PARD3: variants seen among roughly 807,000 people sequenced by gnomAD.
PARD3 encodes partitioning defective 3 homolog.
Under a neutral mutation model 155.4 loss-of-function variants are expected in PARD3, and 75 were observed. The ratio of observed to expected loss-of-function variants is 0.48; its 90% CI spans 0.40 to 0.58. The LOEUF (loss-of-function observed/expected upper bound fraction) is 0.58, where lower values mean the gene tolerates loss of function less well. Ranked by LOEUF, PARD3 falls within the 20% of genes least tolerant of loss-of-function variation. The probability of loss-of-function intolerance (pLI) is 0.00; values close to 1 mark genes in which losing one functional copy is unlikely to be tolerated. For synonymous variants in PARD3, 576 were observed against 610.5 expected (o/e 0.94, Z 0.83); for missense variants, 1,642 against 1,721.7 (o/e 0.95, Z 0.82).
intron 7 of PARD3, among the ~76,000 whole-genome samples, chr10:34,388,661 T>C (rs555356613): frequency 6.6e-6 from 1 of 152,306 alleles, no homozygotes; most frequent in Admixed American, 6.5e-5. Flanking sequence ...TCAAAGCAAA[T>C]GAAGTTCTAA....
At chr10:34,791,151 T>A (rs1240363968) in intron 1 of PARD3, among the ~76,000 whole-genome samples, 1 of 152,176 alleles carries the variant, frequency 6.6e-6, no homozygotes, top group African/African-American at 2.4e-5. Context: ...TGGCTAGACA[T>A]AAACTATCAC....
chr10:34,522,118 G>A (rs74132042), intron 2 of PARD3, among the ~76,000 whole-genome samples: 2,408 of 152,228 alleles, frequency 0.016, 65 homozygotes, highest in African/African-American at 0.055. Flanking sequence ...CCTTAAAATG[G>A]AAAGATTATC....
At chr10:34,447,204 G>A (rs758924216) in intron 5 of PARD3, among the ~76,000 whole-genome samples, 3 of 152,014 alleles carry the variant, frequency 2.0e-5, no homozygotes, top group East Asian at 1.9e-4. Flanking sequence ...AAATACAGCC[G>A]GGTAGAGTGG....
At chr10:34,192,173 T>A (rs1950741295) in intron 22 of PARD3, among the ~76,000 whole-genome samples, 1 of 151,960 alleles carries the variant, frequency 6.6e-6, no homozygotes, top group Admixed American at 6.5e-5. Flanking sequence ...GCTCAAGTGA[T>A]CCTCCCACCT....
At chr10:34,142,719 ATAATGGT>A (rs1476014870) in intron 22 of PARD3, among the ~76,000 whole-genome samples, 1 of 152,122 alleles carries the variant, frequency 6.6e-6, no homozygotes. Flanking sequence ...GAAAGCAGTT[ATAATGGT>A]TAATGCCCAA....
At chr10:34,604,433 A>G (rs1288676234) in intron 2 of PARD3, among the ~76,000 whole-genome samples, 3 of 151,952 alleles carry the variant, frequency 2.0e-5, no homozygotes. Flanking sequence ...CCCATGCTGG[A>G]TGCTTCCTCC....
chr10:34,724,002 C>T (rs2094654116), intron 1 of PARD3, among the ~76,000 whole-genome samples: 1 of 152,130 alleles, frequency 6.6e-6, no homozygotes, highest in African/African-American at 2.4e-5. Context: ...GAGCACTCAA[C>T]GAGCACAAGC....
chr10:34,316,534 CTTTT>C (rs1168894248), intron 20 of PARD3, among the ~76,000 whole-genome samples: 5 of 152,228 alleles, frequency 3.3e-5, no homozygotes, highest in Non-Finnish European at 7.4e-5. Flanking sequence ...CTATTTGTAA[CTTTT>C]TTTATTAGAC....
intron 21 of PARD3, among the ~76,000 whole-genome samples, chr10:34,278,741 C>T (rs1956012627): frequency 6.6e-6 from 1 of 152,098 alleles, no homozygotes; most frequent in African/African-American, 2.4e-5. Context: ...AATTAGACCT[C>T]TTTACTTTAT....
intron 20 of PARD3, among the ~76,000 whole-genome samples, chr10:34,298,876 A>G (rs1284171373): frequency 2.0e-5 from 3 of 152,248 alleles, no homozygotes; most frequent in Non-Finnish European, 4.4e-5. Context: ...TCCAATCCCC[A>G]GACTTAATGA....
intron 22 of PARD3, among the ~76,000 whole-genome samples, chr10:34,172,789 A>T (rs1949863037): frequency 6.6e-6 from 1 of 152,078 alleles, no homozygotes; most frequent in African/African-American, 2.4e-5. Context: ...AAGCAAAATG[A>T]CATAAATGGG....
intron 2 of PARD3, among the ~76,000 whole-genome samples, chr10:34,552,266 C>T (rs1449481013): frequency 6.6e-6 from 1 of 152,206 alleles, no homozygotes; most frequent in Non-Finnish European, 1.5e-5. Flanking sequence ...GGCCACCATA[C>T]TTGGCTAAAT....
rs538187693 is a variant in PARD3 at position 34,778,690 on chromosome 10, A to G, written c.120+36186T>C. Among the ~76,000 whole-genome samples, 19 of 152,316 alleles carry G rather than the reference A, an allele frequency of 1.2e-4. No homozygotes were observed. The South Asian group carries it at 3.9e-3, about 32-fold the overall frequency. On this transcript the variant is annotated intron_variant, in intron 1 of 24. Transcript: ENST00000374788. ...CCTCTTAGGTTCCTTTCAACTCTAA[A>G]TTCTATTTTATGAATTACATGACTA... is the stretch of plus-strand genomic sequence containing the variant.
intron 23 of PARD3, among the ~76,000 whole-genome samples, chr10:34,130,420 A>C (rs972569518): frequency 1.3e-5 from 2 of 152,166 alleles, no homozygotes; most frequent in African/African-American, 2.4e-5. Flanking sequence ...TTCTATTCCC[A>C]GTCTTCTAAG....
chr10:34,443,073 T>A (rs1220846386), intron 5 of PARD3, among the ~76,000 whole-genome samples: 1 of 151,920 alleles, frequency 6.6e-6, no homozygotes, highest in Non-Finnish European at 1.5e-5. Flanking sequence ...ACAACTCTGG[T>A]AAGTCGTGTG....
chr10:34,808,337 A>T (rs1209406297), intron 1 of PARD3, among the ~76,000 whole-genome samples: 1 of 146,036 alleles, frequency 6.8e-6, no homozygotes, highest in Non-Finnish European at 1.5e-5. Context: ...GAAAGAAAAA[A>T]CTTGTAAATA....
At chr10:34,715,725 T>C (rs1192852291) in intron 1 of PARD3, among the ~76,000 whole-genome samples, 2 of 152,192 alleles carry the variant, frequency 1.3e-5, no homozygotes, top group Admixed American at 6.5e-5. Flanking sequence ...ATTCCACAAA[T>C]ATTCACGAAG....
At chr10:34,688,055 G>T (rs1271895283) in intron 2 of PARD3, among the ~76,000 whole-genome samples, 1 of 151,686 alleles carries the variant, frequency 6.6e-6, no homozygotes, top group East Asian at 1.9e-4. Flanking sequence ...GTCTCGTTAG[G>T]TTGCCCAGGC....
chr10:34,769,308 C>T (rs535211294), intron 1 of PARD3, among the ~76,000 whole-genome samples: 2 of 152,254 alleles, frequency 1.3e-5, no homozygotes, highest in South Asian at 2.1e-4. Context: ...GCTTATCTGC[C>T]CACCCCTATA....
Sources: gnomAD v4.1 joint callset for allele counts (sites outside exome capture counted in the v4.1 genomes callset) on GRCh38, gnomAD v4.1.1 for gene constraint, MANE v1.5 for transcripts, NCBI Gene and HGNC (gene_info 2026-07-23, HGNC 2026-07-21) for gene names.